The following BABAM2 variants were observed in gnomAD, a reference collection of about 807,000 sequenced individuals.
BABAM2 encodes BRISC and BRCA1 A complex member 2.
In BABAM2, 31 loss-of-function variants were observed where a neutral mutation model predicts 54.7. The ratio of observed to expected loss-of-function variants is 0.57; its 90% confidence interval spans 0.43 to 0.77. BABAM2 has a LOEUF of 0.77. Ranked by LOEUF, BABAM2 falls within the 30% of genes least tolerant of loss-of-function variation. The pLI, the probability that BABAM2 is intolerant of heterozygous loss-of-function variation, is 0.00. For missense variants in BABAM2, 364 were observed against 455.8 expected (o/e 0.80, Z 1.83); for synonymous variants, 167 against 162.9 (o/e 1.03, Z -0.19).
intron 11 of BABAM2, among the ~76,000 whole-genome samples, chr2:28,336,967 G>A (rs1691524533): frequency 6.6e-6 from 1 of 152,176 alleles, no homozygotes; most frequent in Non-Finnish European, 1.5e-5. Context: ...TGATCTCCTG[G>A]GAGCTGGCAG....
In BABAM2 at chr2:28,009,029, A is replaced by G. The variant is rs116250582; in HGVS notation, c.301-16197A>G. ...GCTCTAGTGGGTGGAGCTTTTAGCC[A>G]TCGTTTAGTCAATGGATTGTATGTG... is the stretch of plus-strand genomic sequence containing the variant. On this transcript the variant is annotated intron_variant, in intron 4 of 11. Coordinates refer to ENST00000379624, the MANE Select transcript of BABAM2 (RefSeq NM_199191.3). 9.5e-3 allele frequency among the ~76,000 whole-genome samples: 1,449 copies of G among 152,264 alleles called. 15 individuals carry two copies. The highest frequency in any genetic ancestry group is 0.016 in the Non-Finnish European group (1,119 of 68,008).
intron 4 of BABAM2, among the ~76,000 whole-genome samples, chr2:27,998,026 A>T (rs954812927): frequency 1.3e-5 from 2 of 152,008 alleles, no homozygotes; most frequent in African/African-American, 4.8e-5. Flanking sequence ...GGTGGCGCGC[A>T]CCTGTAATGC....
At chr2:27,993,651 G>A (rs573490780) in intron 4 of BABAM2, among the ~76,000 whole-genome samples, 2 of 152,244 alleles carry the variant, frequency 1.3e-5, no homozygotes, top group South Asian at 2.1e-4. Context: ...ATAGTAGGTT[G>A]GAAACCTCTG....
At chr2:27,983,801 CT>C (rs777344694) in intron 3 of BABAM2, among the ~76,000 whole-genome samples, 2 of 151,956 alleles carry the variant, frequency 1.3e-5, no homozygotes, top group Admixed American at 1.3e-4. Flanking sequence ...GTACATTTAT[CT>C]TGTATCTTGC....
At chr2:28,165,735 A>G (rs111346331) in intron 7 of BABAM2, among the ~76,000 whole-genome samples, 5 of 151,994 alleles carry the variant, frequency 3.3e-5, no homozygotes, top group African/African-American at 9.6e-5. Flanking sequence ...GGGTTTCACC[A>G]TGTTGGCCAG....
At chr2:28,133,686 A>T (rs188064320) in intron 7 of BABAM2, among the ~76,000 whole-genome samples, 1 of 152,308 alleles carries the variant, frequency 6.6e-6, no homozygotes, top group Admixed American at 6.5e-5. Flanking sequence ...CAAAGATATT[A>T]TACTCACGTT....
chr2:27,915,677 CGT>C (rs1432811209), intron 2 of BABAM2, among the ~76,000 whole-genome samples: 2 of 14,090 alleles, frequency 1.4e-4, no homozygotes, highest in African/African-American at 1.6e-4. Flanking sequence ...ATATAAAAAA[CGT>C]TTTTTTTCTA....
intron 10 of BABAM2, among the ~76,000 whole-genome samples, chr2:28,246,749 T>C (rs1298652272): frequency 6.6e-6 from 1 of 152,232 alleles, no homozygotes; most frequent in Non-Finnish European, 1.5e-5. Flanking sequence ...CATTGCTCAA[T>C]TATAACCTAT....
chr2:28,226,554 G>A (rs74579739), intron 7 of BABAM2, among the ~76,000 whole-genome samples: 7,154 of 152,240 alleles, frequency 0.047, 217 homozygotes, highest in Non-Finnish European at 0.059. Context: ...GAGATGATGA[G>A]TGAATACGTG....
At chr2:28,034,931 T>G in intron 5 of BABAM2, among the ~76,000 whole-genome samples, 1 of 152,036 alleles carries the variant, frequency 6.6e-6, no homozygotes, top group East Asian at 1.9e-4. Context: ...TTAACGTTAA[T>G]GGGAAAATGT....
At chr2:28,318,774 G>A (rs977023559) in intron 11 of BABAM2, among the ~76,000 whole-genome samples, 3 of 152,182 alleles carry the variant, frequency 2.0e-5, no homozygotes, top group Non-Finnish European at 4.4e-5. Context: ...TATCCCAGCT[G>A]TGTAGGCATG....
At chr2:28,067,751 A>G (rs1388203238) in intron 6 of BABAM2, among the ~76,000 whole-genome samples, 1 of 152,210 alleles carries the variant, frequency 6.6e-6, no homozygotes, top group Non-Finnish European at 1.5e-5. Flanking sequence ...AAAGGAGGCT[A>G]CTGGAACTAG....
chr2:28,165,158 G>A (rs1011672100), intron 7 of BABAM2, among the ~76,000 whole-genome samples: 10 of 152,190 alleles, frequency 6.6e-5, no homozygotes, highest in African/African-American at 1.9e-4. Flanking sequence ...GGAGAAAGAC[G>A]TAAAGAATTA....
rs564343343 is a variant in BABAM2 at position 28,329,614 on chromosome 2, C to G, written c.1089-8836C>G. ...GGATAAATTCCTGGACACATACACC[C>G]TCCCAAGACTGAACCAGAAAGAAGT... On this transcript the variant is annotated intron_variant, in intron 11 of 11. Transcript: ENST00000379624. This position sits in a 1 kb window ranked among gnomAD's most constrained non-coding sequence, Gnocchi z 4.2. Among the ~76,000 whole-genome samples the G allele has an allele frequency of 1.3e-5, 2 of 152,290 alleles. No individual in the cohort carries two copies. Among genetic ancestry groups the G allele is most frequent in the South Asian group, 4.1e-4 (2 of 4,826 alleles).
rs1372676319 is a variant in BABAM2, at chr2:28,322,595, C to G, written c.1089-15855C>G. 1.3e-5 allele frequency among the ~76,000 whole-genome samples: 2 copies of G among 152,250 alleles called. No individual in the cohort carries two copies. Among genetic ancestry groups the G allele is most frequent in the African/African-American group, 4.8e-5 (2 of 41,474 alleles). On this transcript the variant is annotated intron_variant, in intron 11 of 11. Coordinates refer to ENST00000379624, the MANE Select transcript of BABAM2 (RefSeq NM_199191.3). The surrounding 1 kb of genome is among the most constrained non-coding windows in gnomAD (Gnocchi z 4.1). ...CAACAGCAAGGTTCTCTGGTTAGCA[C>G]CAAATGAGTGGCTCAACAGTTCGTG...
At chr2:27,965,585 T>A (rs1670774447) in intron 3 of BABAM2, among the ~76,000 whole-genome samples, 1 of 152,026 alleles carries the variant, frequency 6.6e-6, no homozygotes, top group African/African-American at 2.4e-5. Flanking sequence ...TGACACACTT[T>A]AAAAAAAATC....
chr2:28,261,634 G>A (rs186392119), intron 10 of BABAM2, among the ~76,000 whole-genome samples: 95 of 152,148 alleles, frequency 6.2e-4, no homozygotes, highest in Non-Finnish European at 1.2e-3. Flanking sequence ...CACCGCGCCC[G>A]GCCAATTACT....
chr2:28,060,336 G>A (rs929083935), intron 6 of BABAM2, among the ~76,000 whole-genome samples: 4 of 152,056 alleles, frequency 2.6e-5, no homozygotes, highest in Admixed American at 6.5e-5. Context: ...ATCTAGGAAT[G>A]GAAAGGAACT....
At chr2:28,167,702 AAATAAATAAATAAATAAAT>A (rs1558400382) in intron 7 of BABAM2, among the ~76,000 whole-genome samples, 6 of 34,484 alleles carry the variant, frequency 1.7e-4, no homozygotes, top group Non-Finnish European at 2.0e-4. Flanking sequence ...TCAAAAAAAT[AAATAAATAAATAAATAAAT>A]AAATAAATAA....
Sources: allele counts gnomAD v4.1 joint callset (sites outside exome capture counted in the v4.1 genomes callset), GRCh38; gene constraint gnomAD v4.1.1; non-coding constraint Gnocchi (gnomAD v3.1); transcripts MANE v1.5; gene names NCBI Gene and HGNC (gene_info 2026-07-23, HGNC 2026-07-21).